Variants in PIWIL2 observed in about 807,000 individuals in gnomAD.
The protein encoded by PIWIL2 is piwi like RNA-mediated gene silencing 2.
A neutral mutation model predicts 116.5 loss-of-function variants in PIWIL2; 81 were observed. That is an observed-to-expected ratio of 0.70 (90% CI 0.58 to 0.84). PIWIL2 has a LOEUF of 0.84. Among genes scored for constraint, PIWIL2 ranks in the 40% least tolerant of loss-of-function variants. The pLI, the probability that PIWIL2 is intolerant of heterozygous loss-of-function variation, is 0.00. For missense variants in PIWIL2, 1,272 were observed against 1,212.3 expected (o/e 1.05, Z -0.73); for synonymous variants, 489 against 429.5 (o/e 1.14, Z -1.71).
At chr8:22,327,024 C>CTTTTTTT (rs71544876) in intron 20 of PIWIL2, among the ~76,000 whole-genome samples, 2 of 105,470 alleles carry the variant, frequency 1.9e-5, no homozygotes, top group African/African-American at 3.7e-5. Context: ...TGTTTTTTTA[C>CTTTTTTT]TTTTTTTTTT....
In PIWIL2 at chr8:22,317,088, A is replaced by G. The variant is rs151026723; in HGVS notation, c.2297+755A>G. Among the ~76,000 whole-genome samples, 473 of 152,266 alleles carry G rather than the reference A, an allele frequency of 3.1e-3. 2 individuals carry two copies. Among genetic ancestry groups the G allele is most frequent in the Non-Finnish European group, 5.4e-3 (365 of 68,008 alleles). Reference sequence around the variant, plus strand: ...AGCACTGCACCTGGCTTTGCAGCTTATTTAACAAACTTGGCACGGGTGTGA... The same window carrying G: ...AGCACTGCACCTGGCTTTGCAGCTTGTTTAACAAACTTGGCACGGGTGTGA... On this transcript the variant is annotated intron_variant, in intron 19 of 22. Coordinates refer to ENST00000356766, the MANE Select transcript of PIWIL2 (RefSeq NM_018068.5).
In PIWIL2 at chr8:22,356,487, C is replaced by T. The variant is rs1346719188; in HGVS notation, c.*982C>T. ...CCAGCATACCATGACGATTTCTTCC[C>T]CAAATATACACATGCTCTTTTGCTC... On this transcript the variant is annotated 3_prime_UTR_variant, in exon 23 of 23. Transcript: ENST00000356766. The T allele has an allele frequency of 6.6e-6, 1 of 152,080 alleles. No individual in the cohort carries two copies. Among genetic ancestry groups the T allele is most frequent in the Non-Finnish European group, 1.5e-5 (1 of 68,028 alleles). 9.4% of individuals were successfully genotyped at this position (152,080 alleles called of 1,614,324 possible). A position where few individuals can be genotyped will look rare whatever the true frequency, so the allele number is the denominator to read the frequency against.
intron 10 of PIWIL2, among the ~76,000 whole-genome samples, chr8:22,303,323 G>A (rs1033381517): frequency 1.3e-5 from 2 of 152,198 alleles, no homozygotes; most frequent in Admixed American, 6.5e-5. Context: ...TTGTACATGA[G>A]ACTCTATGTC....
chr8:22,302,432 G>A (rs1193048154), intron 10 of PIWIL2, among the ~76,000 whole-genome samples: 1 of 152,082 alleles, frequency 6.6e-6, no homozygotes, highest in African/African-American at 2.4e-5. Context: ...GCCCACCTCG[G>A]CCTCCCAAAG....
At position 22,313,176 on chromosome 8, in the gene PIWIL2, G is replaced by A. The variant is rs564943798; in HGVS notation, c.1990-1152G>A. 3.3e-5 allele frequency among the ~76,000 whole-genome samples: 5 copies of A among 152,238 alleles called. No homozygotes were observed. In the East Asian group the frequency reaches 7.7e-4, roughly 23 times the overall value. ...ATCGCTTACCAACTTATCTCATAGC[G>A]GCCTTGCTCTGTCTGTTCATCTTTA... On this transcript the variant is annotated intron_variant, in intron 16 of 22. Transcript: ENST00000356766.
chr8:22,327,710 G>A (rs1831759891), intron 20 of PIWIL2, among the ~76,000 whole-genome samples: 1 of 152,060 alleles, frequency 6.6e-6, no homozygotes, highest in African/African-American at 2.4e-5. Flanking sequence ...GTTTTGACTT[G>A]CGTTTCTTAA....
chr8:22,283,834 G>A (rs906122713), intron 5 of PIWIL2, among the ~76,000 whole-genome samples: 2 of 152,182 alleles, frequency 1.3e-5, no homozygotes, highest in African/African-American at 4.8e-5. Context: ...TTGAAGATAA[G>A]GAAATAATTT....
intron 20 of PIWIL2, among the ~76,000 whole-genome samples, chr8:22,328,544 ACTGT>A (rs1329921393): frequency 6.6e-6 from 1 of 152,194 alleles, no homozygotes; most frequent in Non-Finnish European, 1.5e-5. Flanking sequence ...TCTTAACAAT[ACTGT>A]CTTCCAGCAT....
Position 22,282,275 on chromosome 8 carries a change from G to T in PIWIL2, c.426-759G>T, listed in dbSNP as rs1201912532. ...TTTTTTTTTTTTTTTTTTTTTTGGA[G>T]ACAGTCTCACTCTGTCACCAGGCTG... On this transcript the variant is annotated intron_variant, in intron 4 of 22. Transcript: ENST00000356766. 9.5e-5 allele frequency among the ~76,000 whole-genome samples: 8 copies of T among 84,330 alleles called. No individual in the cohort carries two copies. The East Asian group carries it at 3.3e-3, about 35-fold the overall frequency. 55.3% of individuals were successfully genotyped at this position (84,330 alleles called of 152,430 possible).
chr8:22,300,920 G>A (rs977626589), intron 10 of PIWIL2, among the ~76,000 whole-genome samples: 1 of 152,108 alleles, frequency 6.6e-6, no homozygotes. Flanking sequence ...TGAATGATAT[G>A]CACGTATCAT....
At position 22,355,453 on chromosome 8, in the gene PIWIL2, T is replaced by A. The variant is rs745678980; in HGVS notation, c.2870T>A (p.Ile957Asn). ...AHKLAFLSGH[I>N]LHHEPAIQLC... is the part of the protein sequence containing the mutation. ...AAGCTAGCTTTCCTGTCAGGACACA[T>A]CTTGCATCATGAACCAGCCATCCAG... The change falls in exon 23 of 23, where the codon ATC (isoleucine) becomes AAC (asparagine). Residue 957 changes from isoleucine to asparagine, a missense_variant. Physicochemically the swap from Ile to Asn is moderately radical, Grantham distance 149 (BLOSUM62 -3). Coordinates refer to ENST00000356766, the MANE Select transcript of PIWIL2 (RefSeq NM_018068.5). 6.2e-7 allele frequency: 1 copy of A among 1,614,184 alleles called. No homozygotes were observed. Among genetic ancestry groups the A allele is most frequent in the Non-Finnish European group, 8.5e-7 (1 of 1,180,000 alleles).
intron 20 of PIWIL2, among the ~76,000 whole-genome samples, chr8:22,341,280 T>G (rs562335093): frequency 6.6e-6 from 1 of 151,504 alleles, no homozygotes; most frequent in Non-Finnish European, 1.5e-5. Flanking sequence ...GAAAAATCAT[T>G]TGACACTCAT....
chr8:22,305,677 GT>G (rs1831159329), intron 12 of PIWIL2, among the ~76,000 whole-genome samples: 1 of 151,450 alleles, frequency 6.6e-6, no homozygotes, highest in Non-Finnish European at 1.5e-5. Flanking sequence ...TTTTTTTCTA[GT>G]TTTTACTCTC....
chr8:22,355,257 T>G (rs1832463295), intron 22 of PIWIL2, 92 bp from the exon 23 acceptor site: 2 of 1,252,296 alleles, frequency 1.6e-6, no homozygotes, highest in African/African-American at 2.9e-5. Flanking sequence ...AGGTGTGCTC[T>G]GTGTCATATC....
intron 16 of PIWIL2, 35 bp from the exon 17 acceptor site, chr8:22,314,293 C>T: frequency 1.7e-6 from 2 of 1,199,628 alleles, no homozygotes; most frequent in Non-Finnish European, 2.3e-6. Flanking sequence ...CAGAGAATTC[C>T]ACAGCCTGAC....
intron 20 of PIWIL2, among the ~76,000 whole-genome samples, chr8:22,325,624 C>A (rs1346272804): frequency 6.6e-6 from 1 of 151,140 alleles, no homozygotes; most frequent in African/African-American, 2.4e-5. Flanking sequence ...GCTGGGATTA[C>A]AAGCGTGCGC....
rs113601249 is a variant in PIWIL2 at position 22,354,430 on chromosome 8, C to CTAG, written c.2765+53_2765+55dup. ...CTCTTTCTTAAATAATTCTGGCCTG[C>CTAG]TAGCTAAGATGGGCTCACTGTTCAC... On this transcript the variant is annotated intron_variant, in intron 22 of 22. Coordinates refer to ENST00000356766, the MANE Select transcript of PIWIL2 (RefSeq NM_018068.5). 4,954 of 1,174,354 alleles carry CTAG rather than the reference C, an allele frequency of 4.2e-3. 160 individuals are homozygous for CTAG. In the African/African-American group the frequency reaches 0.064, roughly 15 times the overall value. 72.7% of individuals were successfully genotyped at this position (1,174,354 alleles called of 1,614,324 possible).
chr8:22,318,419 G>A (rs548417854), intron 20 of PIWIL2, 144 bp downstream of exon 20: 1 of 556,566 alleles, frequency 1.8e-6, no homozygotes, highest in African/African-American at 1.9e-5. Flanking sequence ...CTGGGTTCAA[G>A]CGGTTCTCCT....
At chr8:22,349,051 C>CTTTTTTT (rs35385064) in intron 20 of PIWIL2, among the ~76,000 whole-genome samples, 6 of 136,812 alleles carry the variant, frequency 4.4e-5, no homozygotes, top group Non-Finnish European at 3.1e-5. Context: ...TTTCTTTTTT[C>CTTTTTTT]TTTTTTTTTT....
Sources: gnomAD v4.1 joint callset for allele counts (sites outside exome capture counted in the v4.1 genomes callset) on GRCh38, gnomAD v4.1.1 for gene constraint, MANE v1.5 for transcripts, NCBI Gene and HGNC (gene_info 2026-07-23, HGNC 2026-07-21) for gene names.